RGL1: variants seen among roughly 807,000 people sequenced by gnomAD.
RGL1 encodes ral guanine nucleotide dissociation stimulator like 1.
In RGL1, 24 loss-of-function variants were observed where a neutral mutation model predicts 95.2. The observed-to-expected ratio is 0.25, with a 90% CI of 0.18 to 0.35. The LOEUF (loss-of-function observed/expected upper bound fraction) is 0.35, where lower values mean the gene tolerates loss of function less well. Ranked by LOEUF, RGL1 falls within the 10% of genes least tolerant of loss-of-function variation. The pLI, the probability that RGL1 is intolerant of heterozygous loss-of-function variation, is 1.00. For synonymous variants in RGL1, 329 were observed against 344.9 expected (o/e 0.95, Z 0.51); for missense variants, 715 against 936.3 (o/e 0.76, Z 3.08).
chr1:183,882,533 C>T (rs1666881725), intron 5 of RGL1, among the ~76,000 whole-genome samples: 1 of 152,186 alleles, frequency 6.6e-6, no homozygotes, highest in Non-Finnish European at 1.5e-5. Context: ...TCCTCCATGT[C>T]ATGGGGTTTT....
chr1:183,681,470 C>A (rs1653206915), intron 1 of RGL1, among the ~76,000 whole-genome samples: 1 of 152,064 alleles, frequency 6.6e-6, no homozygotes, highest in East Asian at 1.9e-4. Context: ...TATGTGGTGG[C>A]TTACGCTTAT....
intron 2 of RGL1, among the ~76,000 whole-genome samples, chr1:183,774,643 C>G (rs1659496787): frequency 7.2e-6 from 1 of 138,604 alleles, no homozygotes; most frequent in South Asian, 2.2e-4. Context: ...CTGGCATGAT[C>G]TCGGTTCACA....
At chr1:183,912,511 T>C (rs1037572281) in intron 15 of RGL1, among the ~76,000 whole-genome samples, 1 of 152,212 alleles carries the variant, frequency 6.6e-6, no homozygotes, top group African/African-American at 2.4e-5. Flanking sequence ...ACCCACCTCT[T>C]AAGGCACTGG....
intron 3 of RGL1, among the ~76,000 whole-genome samples, chr1:183,857,199 T>A (rs1266047842): frequency 6.6e-6 from 1 of 152,140 alleles, no homozygotes; most frequent in East Asian, 1.9e-4. Context: ...AGATGCTATG[T>A]TGCTGGCTTT....
At chr1:183,649,588 G>T (rs79001632) in intron 1 of RGL1, among the ~76,000 whole-genome samples, 1,982 of 152,228 alleles carry the variant, frequency 0.013, 48 homozygotes, top group African/African-American at 0.046. Context: ...TTGGATTGTG[G>T]ACACTCATTC....
intron 1 of RGL1, among the ~76,000 whole-genome samples, chr1:183,649,852 C>T (rs1650587563): frequency 6.6e-6 from 1 of 152,156 alleles, no homozygotes; most frequent in South Asian, 2.1e-4. Context: ...TGCTCTGTTG[C>T]TCAGATTGCA....
intron 2 of RGL1, among the ~76,000 whole-genome samples, chr1:183,764,714 T>C (rs1180347193): frequency 1.3e-5 from 2 of 152,156 alleles, no homozygotes; most frequent in African/African-American, 4.8e-5. Context: ...AGCAGCTCCA[T>C]ACCATGGGTA....
intron 2 of RGL1, among the ~76,000 whole-genome samples, chr1:183,759,176 A>G (rs1320704155): frequency 6.6e-6 from 1 of 152,158 alleles, no homozygotes; most frequent in African/African-American, 2.4e-5. Context: ...GGTCCTAGAG[A>G]GAGGAGATAT....
intron 2 of RGL1, among the ~76,000 whole-genome samples, chr1:183,748,102 T>C (rs936383116): frequency 6.6e-6 from 1 of 152,194 alleles, no homozygotes; most frequent in Non-Finnish European, 1.5e-5. Flanking sequence ...GATTTTCTAG[T>C]TTATTTGTGT....
rs200661894 is a variant in RGL1 at position 183,647,724 on chromosome 1, C to G, written c.-33+11223C>G. 133 of 1,609,538 alleles carry G rather than the reference C, an allele frequency of 8.3e-5. No homozygotes were observed. The highest frequency in any genetic ancestry group is 5.9e-4 in the South Asian group (54 of 90,950). Reference sequence around the variant, plus strand: ...CTTCTTTTCATCTGCCTCCTTGCTACTTGCAAACTGTTCTGTGATTTCCAC... The same window carrying G: ...CTTCTTTTCATCTGCCTCCTTGCTAGTTGCAAACTGTTCTGTGATTTCCAC... On this transcript the variant is annotated intron_variant, in intron 1 of 18. Coordinates refer to the RGL1 transcript ENST00000304685.
At chr1:183,681,137 TC>T (rs1288695801) in intron 1 of RGL1, among the ~76,000 whole-genome samples, 2 of 152,206 alleles carry the variant, frequency 1.3e-5, no homozygotes, top group African/African-American at 2.4e-5. Context: ...CAATTTGACT[TC>T]CTCTCTTCCT....
intron 2 of RGL1, chr1:183,742,373 A>G (rs1230246577): frequency 6.5e-7 from 1 of 1,527,588 alleles, no homozygotes; most frequent in Non-Finnish European, 9.0e-7. Context: ...AGCCAGCACC[A>G]CAGGCCAGCT....
exon 1 of RGL1, chr1:183,636,219 G>C (rs1649522490): frequency 2.5e-6 from 1 of 399,464 alleles, no homozygotes; most frequent in East Asian, 3.6e-5. Flanking sequence ...ACTTGGCTGT[G>C]GGTGGGATGG....
intron 1 of RGL1, among the ~76,000 whole-genome samples, chr1:183,686,926 T>G (rs977039983): frequency 6.6e-6 from 1 of 152,222 alleles, no homozygotes; most frequent in Admixed American, 6.5e-5. Context: ...CTTCTCCATT[T>G]TAGCTATTGG....
intron 1 of RGL1, among the ~76,000 whole-genome samples, chr1:183,650,503 A>G (rs1238383370): frequency 6.6e-6 from 1 of 152,192 alleles, no homozygotes; most frequent in African/African-American, 2.4e-5. Context: ...ACATCCCACC[A>G]CTGCACTCCA....
chr1:183,854,029 G>A (rs1357253139), intron 3 of RGL1, among the ~76,000 whole-genome samples: 2 of 152,242 alleles, frequency 1.3e-5, no homozygotes, highest in Non-Finnish European at 2.9e-5. Context: ...ACAAGATGCT[G>A]TGTGTATAAT....
At chr1:183,863,684 G>A (rs1665655570) in intron 3 of RGL1, among the ~76,000 whole-genome samples, 1 of 152,100 alleles carries the variant, frequency 6.6e-6, no homozygotes, top group Non-Finnish European at 1.5e-5. Context: ...TATTAGAAGG[G>A]CAGAGCAAAA....
intron 1 of RGL1, among the ~76,000 whole-genome samples, chr1:183,739,667 T>G (rs770002414): frequency 1.7e-4 from 26 of 152,200 alleles, no homozygotes; most frequent in Non-Finnish European, 2.4e-4. Context: ...TCAGATAGGG[T>G]GGAGGATCTC....
intron 1 of RGL1, among the ~76,000 whole-genome samples, chr1:183,669,627 A>G (rs965752588): frequency 6.6e-6 from 1 of 152,242 alleles, no homozygotes; most frequent in African/African-American, 2.4e-5. Flanking sequence ...ACTGCAGTAA[A>G]TAGGCCTTTA....
Sources: allele counts gnomAD v4.1 joint callset (sites outside exome capture counted in the v4.1 genomes callset), GRCh38; gene constraint gnomAD v4.1.1; transcripts MANE v1.5; gene names NCBI Gene and HGNC (gene_info 2026-07-23, HGNC 2026-07-21).